RBP4: variants seen among roughly 807,000 people sequenced by gnomAD.
The protein encoded by RBP4 is retinol binding protein 4.
In RBP4, 9 loss-of-function variants were observed where a neutral mutation model predicts 26.2. The observed-to-expected ratio is 0.34, with a 90% CI of 0.21 to 0.60. RBP4 has a LOEUF of 0.60. Among genes scored for constraint, RBP4 ranks in the 20% least tolerant of loss-of-function variants. The pLI is 0.80. For missense variants in RBP4, 244 were observed against 271.3 expected, an observed-to-expected ratio of 0.90 and a Z score of 0.71; for synonymous variants, 114 against 111.0, an observed-to-expected ratio of 1.03 and a Z score of -0.17.
chr10:93,593,780 T>C, intron 5 of RBP4, 43 bp downstream of exon 5: 3 of 1,599,980 alleles, frequency 1.9e-6, no homozygotes, highest in Non-Finnish European at 2.6e-6. Flanking sequence ...CCAAACCCAC[T>C]GCCCTGCAGG....
chr10:93,595,298 T>G (rs1314646161), intron 4 of RBP4, among the ~76,000 whole-genome samples: 2 of 152,198 alleles, frequency 1.3e-5, no homozygotes, highest in Non-Finnish European at 2.9e-5. Context: ...CACTTAATTA[T>G]GTGCCAGTCA....
chr10:93,592,905 C>T (rs2134566423), intron 5 of RBP4, among the ~76,000 whole-genome samples: 1 of 152,252 alleles, frequency 6.6e-6, no homozygotes, highest in East Asian at 1.9e-4. Context: ...GCAGCCTCCG[C>T]CTCCCGGGCT....
chr10:93,600,085 A>G (rs1481040038), intron 4 of RBP4, among the ~76,000 whole-genome samples: 1 of 152,220 alleles, frequency 6.6e-6, no homozygotes, highest in African/African-American at 2.4e-5. Flanking sequence ...GATGTGAAAG[A>G]CAGGAGGAGA....
intron 4 of RBP4, among the ~76,000 whole-genome samples, chr10:93,594,740 T>C (rs1181521174): frequency 6.6e-6 from 1 of 152,214 alleles, no homozygotes; most frequent in Non-Finnish European, 1.5e-5. Flanking sequence ...CCACTGAATT[T>C]AGATTATATG....
chr10:93,600,634 G>A (rs368838780), intron 3 of RBP4, 33 bp downstream of exon 3: 2 of 1,611,722 alleles, frequency 1.2e-6, no homozygotes, highest in Admixed American at 1.7e-5. Flanking sequence ...ACCCTGGAGC[G>A]CAAAGGGCGC....
intron 5 of RBP4, among the ~76,000 whole-genome samples, chr10:93,593,575 A>G (rs1427331465): frequency 6.6e-6 from 1 of 152,188 alleles, no homozygotes; most frequent in African/African-American, 2.4e-5. Context: ...AAAAGAAAAG[A>G]GAGCCCACGG....
intron 1 of RBP4, 28 bp from the exon 2 acceptor site, chr10:93,601,074 C>A (rs746638115): frequency 1.3e-6 from 2 of 1,596,728 alleles, no homozygotes; most frequent in Non-Finnish European, 1.7e-6. Context: ...CCGTCAGTGC[C>A]CGGCAGCCGA....
rs561813759 is a variant in RBP4 at position 93,591,940 on chromosome 10, T to C, written c.*135A>G. On this transcript the variant is annotated 3_prime_UTR_variant, in exon 6 of 6. Transcript: ENST00000371464. ...AGATTCACTGACCCCCACGTGTATC[T>C]TTATGTGTAATGAAGGTTTTATGGG... is the stretch of plus-strand genomic sequence containing the variant. 8 of 786,244 alleles carry C rather than the reference T, an allele frequency of 1.0e-5. No homozygotes were observed. The highest frequency in any genetic ancestry group is 1.9e-5 in the Admixed American group (1 of 52,062). The allele number at this position is 786,244 out of a possible 1,614,324, so 48.7% of individuals were successfully genotyped here.
chr10:93,600,230 A>G lies in RBP4; in HGVS notation c.355+163T>C, dbSNP rs530483954. 4.6e-5 allele frequency among the ~76,000 whole-genome samples: 7 copies of G among 152,214 alleles called. No individual in the cohort carries two copies. The South Asian group carries it at 1.0e-3, about 23-fold the overall frequency. The stretch of plus-strand genomic sequence containing the variant: ...GGGAGGGGGTAGGTAGCTGCTCCCA[A>G]TCTTGTTCCCCTAACCTCAGGTGGT... On this transcript the variant is annotated intron_variant, in intron 4 of 5. Coordinates refer to ENST00000371464, the MANE Select transcript of RBP4 (RefSeq NM_006744.4).
At chr10:93,597,574 T>C (rs768390925) in intron 4 of RBP4, among the ~76,000 whole-genome samples, 4 of 152,252 alleles carry the variant, frequency 2.6e-5, no homozygotes, top group Non-Finnish European at 5.9e-5. Flanking sequence ...TGAGACATCC[T>C]GCTTGCTGCT....
chr10:93,601,233 G>C lies in RBP4; in HGVS notation c.-81C>G. On this transcript the variant is annotated 5_prime_UTR_variant, in exon 1 of 6. Transcript: ENST00000371464. ...GTCCGGGCGCGCGTGGAGCGAGGGA[G>C]GCGAGCGCGCCGCGGCCGCCCCGCT... 2 of 1,238,286 alleles carry C rather than the reference G, an allele frequency of 1.6e-6. No homozygotes were observed. Among genetic ancestry groups the C allele is most frequent in the Non-Finnish European group, 2.0e-6 (2 of 995,460 alleles). 76.7% of individuals were successfully genotyped at this position (1,238,286 alleles called of 1,614,324 possible).
Position 93,592,037 on chromosome 10 carries a change from A to C in RBP4, c.*38T>G. 3 of 1,555,798 alleles carry C rather than the reference A, an allele frequency of 1.9e-6. No individual in the cohort carries two copies. In the South Asian group the frequency reaches 3.3e-5, roughly 17 times the overall value. ...AAATAGAGCTGAAGACTGAGAGCTA[A>C]TCAGAAGTTCTCAGATGAAACTAGA... On this transcript the variant is annotated 3_prime_UTR_variant, in exon 6 of 6. Transcript: ENST00000371464.
chr10:93,600,518 T>C lies in RBP4; in HGVS notation c.249-19A>G. The C allele has an allele frequency of 6.2e-7, 1 of 1,613,886 alleles. No homozygotes were observed. The highest frequency in any genetic ancestry group is 8.5e-7 in the Non-Finnish European group (1 of 1,179,862). Reference sequence around the variant, plus strand: ...CCAGTTACTGCAAAAGCCAAGGGGATCCTCAGCCAAGCCGGGCAAAGGGCT... The same window carrying C: ...CCAGTTACTGCAAAAGCCAAGGGGACCCTCAGCCAAGCCGGGCAAAGGGCT... On this transcript the variant is annotated intron_variant, in intron 3 of 5. Coordinates refer to ENST00000371464, the MANE Select transcript of RBP4 (RefSeq NM_006744.4).
At chr10:93,595,534 A>G (rs1210181098) in intron 4 of RBP4, among the ~76,000 whole-genome samples, 1 of 152,176 alleles carries the variant, frequency 6.6e-6, no homozygotes, top group Non-Finnish European at 1.5e-5. Context: ...CAATCAGTAC[A>G]CTGACGGGAG....
At chr10:93,595,462 C>T (rs2058297167) in intron 4 of RBP4, among the ~76,000 whole-genome samples, 1 of 152,202 alleles carries the variant, frequency 6.6e-6, no homozygotes, top group Non-Finnish European at 1.5e-5. Context: ...AACTGGGATT[C>T]AAGCAAGGGA....
chr10:93,600,886 G>T, intron 2 of RBP4, 32 bp downstream of exon 2: 1 of 1,610,126 alleles, frequency 6.2e-7, no homozygotes, highest in African/African-American at 1.3e-5. Context: ...GTGGGGACCT[G>T]GGCCGCCTGG....
chr10:93,594,260 C>T (rs546473021), intron 4 of RBP4, among the ~76,000 whole-genome samples: 5 of 152,250 alleles, frequency 3.3e-5, no homozygotes, highest in Admixed American at 3.3e-4. Flanking sequence ...TCAGGGAAAT[C>T]TCATTCACTT....
chr10:93,601,507 G>A, upstream of RBP4: 1 of 708,890 alleles, frequency 1.4e-6, no homozygotes, highest in Non-Finnish European at 2.3e-6. Context: ...TCGTGCCAGC[G>A]GCCGCCAGCT....
chr10:93,594,563 G>A (rs1184364615), intron 4 of RBP4, among the ~76,000 whole-genome samples: 9 of 152,186 alleles, frequency 5.9e-5, no homozygotes, highest in African/African-American at 2.2e-4. Context: ...CACGCCCATG[G>A]TCACGGCTTC....
Sources: gnomAD v4.1 joint callset for allele counts (sites outside exome capture counted in the v4.1 genomes callset) on GRCh38, gnomAD v4.1.1 for gene constraint, MANE v1.5 for transcripts, NCBI Gene and HGNC (gene_info 2026-07-23, HGNC 2026-07-21) for gene names.